OR2L13: variants seen among roughly 807,000 people sequenced by gnomAD.
OR2L13 encodes the protein olfactory receptor 2L13.
In OR2L13, 14 loss-of-function variants were observed where a neutral mutation model predicts 15.3. That is an observed-to-expected ratio of 0.91 (90% confidence interval 0.60 to 1.43). The LOEUF (loss-of-function observed/expected upper bound fraction) is 1.43. Ranked by LOEUF, OR2L13 falls within the 40% of genes most tolerant of loss-of-function variation. OR2L13 has a pLI of 0.00. For missense variants in OR2L13, 367 were observed against 387.9 expected (o/e 0.95, Z 0.45); for synonymous variants, 152 against 142.9 (o/e 1.06, Z -0.45).
the OR2L13 span, among the ~76,000 whole-genome samples, chr1:248,080,293 A>G: frequency 6.6e-6 from 1 of 152,142 alleles, no homozygotes; most frequent in Non-Finnish European, 1.5e-5. Flanking sequence ...TATTAGAATT[A>G]TACTTTAAGT....
chr1:247,991,951 G>T, the OR2L13 span, among the ~76,000 whole-genome samples: 1 of 149,536 alleles, frequency 6.7e-6, no homozygotes, highest in Non-Finnish European at 1.5e-5. Context: ...GAGCAAATGA[G>T]AAAAGCCCCG....
the OR2L13 span, among the ~76,000 whole-genome samples, chr1:248,037,926 A>C: frequency 6.6e-6 from 1 of 152,220 alleles, no homozygotes; most frequent in East Asian, 1.9e-4. Flanking sequence ...TTTCCCATGA[A>C]GCATTTTGTC....
chr1:247,990,662 C>T, the OR2L13 span: 4 of 1,527,044 alleles, frequency 2.6e-6, no homozygotes, highest in Middle Eastern at 1.7e-4. Flanking sequence ...CTCCACTATC[C>T]CATCCGTATG....
the OR2L13 span, among the ~76,000 whole-genome samples, chr1:248,078,521 GA>G: frequency 1.3e-5 from 2 of 149,892 alleles, no homozygotes; most frequent in Non-Finnish European, 3.0e-5. Flanking sequence ...AGCTGTTTTG[GA>G]AAAAAAAGGG....
At chr1:247,955,518 T>G in the OR2L13 span, among the ~76,000 whole-genome samples, 2 of 152,076 alleles carry the variant, frequency 1.3e-5, no homozygotes, top group African/African-American at 4.8e-5. Flanking sequence ...CCTGAGGAAT[T>G]GCCACATTGA....
the OR2L13 span, among the ~76,000 whole-genome samples, chr1:247,986,002 G>C: frequency 6.6e-6 from 1 of 152,234 alleles, no homozygotes; most frequent in East Asian, 1.9e-4. Context: ...GTAGATTCTG[G>C]ATATTAGCCC....
At chr1:247,938,516 C>T in the OR2L13 span, among the ~76,000 whole-genome samples, 43 of 152,136 alleles carry the variant, frequency 2.8e-4, 1 homozygote, top group African/African-American at 9.4e-4. Context: ...CATAGATTTA[C>T]AAATTTCCAG....
At chr1:248,070,423 A>C in the OR2L13 span, among the ~76,000 whole-genome samples, 85 of 152,150 alleles carry the variant, frequency 5.6e-4, no homozygotes, top group African/African-American at 1.6e-3. Context: ...TTCTTTGAAA[A>C]CAACAAGAAC....
chr1:248,077,328 C>T, the OR2L13 span, among the ~76,000 whole-genome samples: 1 of 152,118 alleles, frequency 6.6e-6, no homozygotes, highest in African/African-American at 2.4e-5. Context: ...CTCTGCCAGG[C>T]TTTGGTATCA....
chr1:248,033,432 CT>C, the OR2L13 span, among the ~76,000 whole-genome samples: 1 of 150,878 alleles, frequency 6.6e-6, no homozygotes, highest in Non-Finnish European at 1.5e-5. Flanking sequence ...ATTTCTTCTT[CT>C]TCTTCTCCTT....
the OR2L13 span, among the ~76,000 whole-genome samples, chr1:248,053,727 A>G: frequency 1.3e-5 from 2 of 152,114 alleles, no homozygotes; most frequent in African/African-American, 4.8e-5. Flanking sequence ...TGCTTTTTAA[A>G]ATATGTTTGT....
chr1:248,015,680 T>C, the OR2L13 span, among the ~76,000 whole-genome samples: 1 of 152,166 alleles, frequency 6.6e-6, no homozygotes, highest in Non-Finnish European at 1.5e-5. Context: ...TCTGGTAAAG[T>C]GTGGCTTGGA....
the OR2L13 span, among the ~76,000 whole-genome samples, chr1:248,085,415 AAAT>A: frequency 0.034 from 1,323 of 38,786 alleles, 107 homozygotes; most frequent in African/African-American, 0.12. Context: ...AAATAAAATA[AAAT>A]AATAAAATAA....
the OR2L13 span, chr1:247,948,793 A>G: frequency 7.3e-7 from 1 of 1,368,472 alleles, no homozygotes; most frequent in Non-Finnish European, 1.0e-6. Context: ...CCTGCAGATA[A>G]GGGCGAATTA....
the OR2L13 span, among the ~76,000 whole-genome samples, chr1:247,956,354 G>A: frequency 1.3e-5 from 2 of 151,368 alleles, no homozygotes; most frequent in African/African-American, 4.8e-5. Context: ...TAGCCTTGTA[G>A]TATAGTTTGA....
the OR2L13 span, among the ~76,000 whole-genome samples, chr1:247,945,726 A>G: frequency 0.023 from 3,519 of 152,276 alleles, 56 homozygotes; most frequent in East Asian, 0.036. Context: ...TTCCTGTTGA[A>G]TTGAATTCTT....
At chr1:248,092,926 A>G (rs1168439359), upstream of OR2L13, among the ~76,000 whole-genome samples, 2 of 152,140 alleles carry the variant, frequency 1.3e-5, no homozygotes, top group African/African-American at 4.8e-5. Flanking sequence ...ATTTTCCTCT[A>G]AAGAATTTAT....
At chr1:248,038,495 T>C in the OR2L13 span, 1 of 1,613,970 alleles carries the variant, frequency 6.2e-7, no homozygotes, top group South Asian at 1.1e-5. Context: ...TCTCCACCAT[T>C]GTTCCAAAGA....
chr1:248,021,889 A>T, the OR2L13 span: 2 of 1,366,756 alleles, frequency 1.5e-6, no homozygotes, highest in Non-Finnish European at 1.0e-6. Context: ...GATAATGGGG[A>T]ACTACTGTAC....
Sources: allele counts gnomAD v4.1 joint callset (sites outside exome capture counted in the v4.1 genomes callset), GRCh38; gene constraint gnomAD v4.1.1; transcripts MANE v1.5; gene names NCBI Gene and HGNC (gene_info 2026-07-23, HGNC 2026-07-21).